SRRM4: variants seen among roughly 807,000 people sequenced by gnomAD.
SRRM4 encodes serine/arginine repetitive matrix protein 4.
SRRM4 carries 33 observed loss-of-function variants against 68.9 expected under a neutral mutation model. The observed-to-expected ratio is 0.48, with a 90% confidence interval of 0.36 to 0.64. SRRM4 has a LOEUF of 0.64. SRRM4 is among the 30% of genes least tolerant of loss of function. The probability of loss-of-function intolerance (pLI) is 0.00; values close to 1 mark genes in which losing one functional copy is unlikely to be tolerated. For synonymous variants in SRRM4, 318 were observed against 318.8 expected (o/e 1.00, Z 0.03); for missense variants, 817 against 827.1 (o/e 0.99, Z 0.15).
chr12:119,065,844 G>A (rs979381952), intron 1 of SRRM4, among the ~76,000 whole-genome samples: 2 of 152,144 alleles, frequency 1.3e-5, no homozygotes, highest in African/African-American at 4.8e-5. Context: ...TGAGTGGATG[G>A]ATGGATGCAT....
intron 1 of SRRM4, among the ~76,000 whole-genome samples, chr12:119,087,873 G>A (rs1953989173): frequency 6.6e-6 from 1 of 152,112 alleles, no homozygotes; most frequent in African/African-American, 2.4e-5. Flanking sequence ...TGCTCACTGC[G>A]TGTCCTCAGG....
At chr12:119,018,029 A>G (rs1214187552) in intron 1 of SRRM4, among the ~76,000 whole-genome samples, 1 of 152,188 alleles carries the variant, frequency 6.6e-6, no homozygotes, top group African/African-American at 2.4e-5. Flanking sequence ...AAATAAAACA[A>G]TGTCAATAAA....
chr12:119,001,043 G>A (rs532664972), intron 1 of SRRM4: 2 of 152,232 alleles, frequency 1.3e-5, no homozygotes, highest in South Asian at 4.2e-4. Context: ...CATAGTTAGG[G>A]TAGGCAAGAT....
At chr12:119,153,495 C>T (rs1363382336) in intron 10 of SRRM4, 44 bp from the exon 11 acceptor site, 3 of 1,330,168 alleles carry the variant, frequency 2.3e-6, no homozygotes, top group South Asian at 1.3e-5. Context: ...ATAACCCAGG[C>T]GGACACTCAG....
chr12:119,076,360 C>G (rs1953916679), intron 1 of SRRM4, among the ~76,000 whole-genome samples: 1 of 152,074 alleles, frequency 6.6e-6, no homozygotes, highest in Admixed American at 6.6e-5. Context: ...GGGTTATTTG[C>G]CTAAACTTGT....
intron 6 of SRRM4, 124 bp downstream of exon 6, chr12:119,122,244 A>AAGGAAGGCAGGAAGGCAGGAAGGC (rs546863868): frequency 3.5e-5 from 13 of 375,386 alleles, no homozygotes; most frequent in African/African-American, 2.9e-4. Context: ...GAGCGGGTGA[A>AAGGAAGGCAGGAAGGCAGGAAGGC]AGGAAGGCAG....
chr12:119,046,202 G>A (rs1288832762), intron 1 of SRRM4, among the ~76,000 whole-genome samples: 1 of 152,118 alleles, frequency 6.6e-6, no homozygotes, highest in African/African-American at 2.4e-5. Flanking sequence ...GAGTGAAGGG[G>A]AGCAGTGGTC....
chr12:119,073,681 C>T (rs1953892175), intron 1 of SRRM4, among the ~76,000 whole-genome samples: 1 of 152,134 alleles, frequency 6.6e-6, no homozygotes, highest in Non-Finnish European at 1.5e-5. Context: ...AGTATAGTGA[C>T]ACCATCATAG....
chr12:119,026,334 A>G (rs1357979048), intron 1 of SRRM4, among the ~76,000 whole-genome samples: 2 of 151,830 alleles, frequency 1.3e-5, no homozygotes, highest in South Asian at 2.1e-4. Flanking sequence ...AGAGAAATGG[A>G]CAATTTGAAG....
At chr12:119,115,526 C>G (rs1954174046) in intron 3 of SRRM4, among the ~76,000 whole-genome samples, 1 of 152,132 alleles carries the variant, frequency 6.6e-6, no homozygotes, top group African/African-American at 2.4e-5. Context: ...GGCTTCAACT[C>G]CAGGTTTTCT....
intron 1 of SRRM4, among the ~76,000 whole-genome samples, chr12:118,982,685 T>TTG (rs1196093780): frequency 3.3e-5 from 4 of 121,354 alleles, no homozygotes; most frequent in Non-Finnish European, 7.4e-5. Flanking sequence ...TTTTGTTTTT[T>TTG]TTTTTTTTTT....
At chr12:119,037,099 TA>T (rs1953632963) in intron 1 of SRRM4, 1 of 152,036 alleles carries the variant, frequency 6.6e-6, no homozygotes, top group South Asian at 2.1e-4. Context: ...GTGAAAACAA[TA>T]AATAGCTCCA....
intron 1 of SRRM4, among the ~76,000 whole-genome samples, chr12:118,982,317 T>G (rs1001006499): frequency 6.6e-6 from 1 of 152,116 alleles, no homozygotes; most frequent in Non-Finnish European, 1.5e-5. Flanking sequence ...AAAACTTTTC[T>G]TGGTGTCACA....
intron 8 of SRRM4, among the ~76,000 whole-genome samples, chr12:119,140,720 C>G (rs985565621): frequency 6.6e-6 from 1 of 152,214 alleles, no homozygotes; most frequent in Non-Finnish European, 1.5e-5. Flanking sequence ...TTTTGCAGGT[C>G]GGAAACTTCT....
chr12:119,059,541 T>A (rs984598670), intron 1 of SRRM4, among the ~76,000 whole-genome samples: 2 of 151,424 alleles, frequency 1.3e-5, no homozygotes, highest in African/African-American at 4.9e-5. Context: ...GTGCCAAGAG[T>A]GATGTGAAAG....
intron 1 of SRRM4, among the ~76,000 whole-genome samples, chr12:119,006,880 T>C (rs1953419640): frequency 6.6e-6 from 1 of 152,242 alleles, no homozygotes; most frequent in South Asian, 2.1e-4. Context: ...TGATCTCTCC[T>C]GGCTGGAGAC....
At chr12:118,986,303 G>A (rs984309933) in intron 1 of SRRM4, among the ~76,000 whole-genome samples, 1 of 152,104 alleles carries the variant, frequency 6.6e-6, no homozygotes, top group African/African-American at 2.4e-5. Flanking sequence ...GTGAATGAGC[G>A]TTTTTCTCTA....
At chr12:119,152,986 G>A (rs923771782) in intron 10 of SRRM4, among the ~76,000 whole-genome samples, 7 of 152,174 alleles carry the variant, frequency 4.6e-5, no homozygotes, top group East Asian at 1.9e-4. Flanking sequence ...TGTGTTTAGC[G>A]AAGTGCATCA....
chr12:118,982,669 G>GTTTTTTTTTTTTTT (rs10533651), intron 1 of SRRM4, among the ~76,000 whole-genome samples: 19 of 115,712 alleles, frequency 1.6e-4, no homozygotes, highest in Admixed American at 2.8e-4. Context: ...GTTTTATTTT[G>GTTTTTTTTTTTTTT]TTTTTTTTTG....
Sources: gnomAD v4.1 joint callset for allele counts (sites outside exome capture counted in the v4.1 genomes callset) on GRCh38, gnomAD v4.1.1 for gene constraint, MANE v1.5 for transcripts, NCBI Gene and HGNC (gene_info 2026-07-23, HGNC 2026-07-21) for gene names.